The following ANKRD55 variants were observed in gnomAD, a reference collection of about 807,000 sequenced individuals.
ANKRD55 encodes the protein ankyrin repeat domain 55.
A neutral mutation model predicts 60.6 loss-of-function variants in ANKRD55; 41 were observed. That is an observed-to-expected ratio of 0.68 (90% CI 0.53 to 0.88). The LOEUF is 0.88. Ranked by LOEUF, ANKRD55 falls within the 40% of genes least tolerant of loss-of-function variation. The pLI is 0.00. For synonymous variants in ANKRD55, 264 were observed against 290.3 expected, an observed-to-expected ratio of 0.91 and a Z score of 0.92; for missense variants, 732 against 767.6, an observed-to-expected ratio of 0.95 and a Z score of 0.55.
At chr5:56,226,095 C>T (rs768613971) in intron 2 of ANKRD55, among the ~76,000 whole-genome samples, 12 of 152,264 alleles carry the variant, frequency 7.9e-5, no homozygotes, top group Admixed American at 2.0e-4. Context: ...TACAAGGCTA[C>T]GGTAACCAAA....
At chr5:56,158,884 G>A (rs1162051936) in intron 6 of ANKRD55, among the ~76,000 whole-genome samples, 2 of 152,074 alleles carry the variant, frequency 1.3e-5, no homozygotes, top group African/African-American at 4.8e-5. Flanking sequence ...TGTAGAAATG[G>A]AGTCTCGCTC....
At chr5:56,201,323 G>T (rs1017749901) in intron 2 of ANKRD55, among the ~76,000 whole-genome samples, 2 of 152,172 alleles carry the variant, frequency 1.3e-5, no homozygotes, top group African/African-American at 4.8e-5. Context: ...TGGTAATAAA[G>T]AGTCTCTGTG....
intron 3 of ANKRD55, among the ~76,000 whole-genome samples, chr5:56,179,263 A>G (rs1054779603): frequency 6.6e-6 from 1 of 152,240 alleles, no homozygotes; most frequent in Non-Finnish European, 1.5e-5. Flanking sequence ...TGAGTGAAGA[A>G]AGCCAATTGC....
At chr5:56,173,856 A>G (rs1462861677) in intron 4 of ANKRD55, among the ~76,000 whole-genome samples, 3 of 152,066 alleles carry the variant, frequency 2.0e-5, no homozygotes, top group East Asian at 1.9e-4. Flanking sequence ...TCAACTCTAC[A>G]TATTTTATTT....
In ANKRD55 at chr5:56,099,957, T is replaced by C. The variant is rs1756219170; in HGVS notation, c.*226A>G. The C allele has an allele frequency of 5.9e-6, 3 of 508,978 alleles. No individual in the cohort carries two copies. The highest frequency in any genetic ancestry group is 1.0e-5 in the Non-Finnish European group (3 of 291,964). 31.5% of individuals were successfully genotyped at this position (508,978 alleles called of 1,614,324 possible). A position where few individuals can be genotyped will look rare whatever the true frequency, so the allele number is the denominator to read the frequency against. On this transcript the variant is annotated 3_prime_UTR_variant, in exon 12 of 12. Transcript: ENST00000341048. Reference sequence around the variant, plus strand: ...CATATTTTGTCTTTTAATTTTGGCATGTGGAAGTCACAGAAATTCACAGAC... The same window carrying C: ...CATATTTTGTCTTTTAATTTTGGCACGTGGAAGTCACAGAAATTCACAGAC...
chr5:56,148,608 C>G (rs541665601), intron 6 of ANKRD55, among the ~76,000 whole-genome samples: 3 of 152,018 alleles, frequency 2.0e-5, no homozygotes, highest in Admixed American at 2.0e-4. Context: ...CCTGTGCCAC[C>G]ACAATTTCAG....
intron 3 of ANKRD55, among the ~76,000 whole-genome samples, chr5:56,182,504 A>G (rs1318436651): frequency 2.0e-5 from 3 of 152,032 alleles, no homozygotes; most frequent in Non-Finnish European, 2.9e-5. Context: ...GCATGTTTTC[A>G]ATTGCTCATT....
chr5:56,138,697 GGA>G (rs746004447), intron 7 of ANKRD55, among the ~76,000 whole-genome samples: 1 of 152,154 alleles, frequency 6.6e-6, no homozygotes, highest in Non-Finnish European at 1.5e-5. Flanking sequence ...GAAAAGACTT[GGA>G]GGAAATGTAA....
intron 2 of ANKRD55, among the ~76,000 whole-genome samples, chr5:56,218,260 A>G (rs1193819219): frequency 6.6e-6 from 1 of 152,222 alleles, no homozygotes; most frequent in Non-Finnish European, 1.5e-5. Flanking sequence ...GGTTGGAGAG[A>G]ATTGACTCCA....
At chr5:56,192,886 G>C (rs1436183509) in intron 2 of ANKRD55, 4 of 646,370 alleles carry the variant, frequency 6.2e-6, no homozygotes, top group Non-Finnish European at 1.1e-5. Flanking sequence ...CATGGGCCCA[G>C]CGTTGTCTAA....
At position 56,112,504 on chromosome 5, in the gene ANKRD55, C is replaced by CAAAAAAAAAAAA. The variant is rs1187255213; in HGVS notation, c.966-734_966-723dup. Reference sequence around the variant, plus strand: ...CAACATGGCAGGATCTCATCTCTAGCAAAAAAAAAAAAAAAAAACAACCAA... The same window carrying CAAAAAAAAAAAA: ...CAACATGGCAGGATCTCATCTCTAGCAAAAAAAAAAAAAAAAAAAAAAAAAAAAAACAACCAA... On this transcript the variant is annotated intron_variant, in intron 9 of 11. Coordinates refer to ENST00000341048, the MANE Select transcript of ANKRD55 (RefSeq NM_024669.3). 3.9e-3 allele frequency among the ~76,000 whole-genome samples: 99 copies of CAAAAAAAAAAAA among 25,644 alleles called. 15 individuals are homozygous for CAAAAAAAAAAAA. Among genetic ancestry groups the CAAAAAAAAAAAA allele is most frequent in the Non-Finnish European group, 5.3e-3 (75 of 14,040 alleles). 16.8% of individuals were successfully genotyped at this position (25,644 alleles called of 152,430 possible). A position where few individuals can be genotyped will look rare whatever the true frequency, so the allele number is the denominator to read the frequency against.
At chr5:56,112,512 A>AAAAAAAAAAAAAAAAACAAAAAAAAAAAC (rs1756760168) in intron 9 of ANKRD55, among the ~76,000 whole-genome samples, 4 of 111,516 alleles carry the variant, frequency 3.6e-5, no homozygotes, top group Non-Finnish European at 7.3e-5. Flanking sequence ...AGCAAAAAAA[A>AAAAAAAAAAAAAAAAACAAAAAAAAAAAC]AAAAAAAAAA....
intron 2 of ANKRD55, among the ~76,000 whole-genome samples, chr5:56,203,447 T>C (rs1417279334): frequency 6.6e-6 from 1 of 152,150 alleles, no homozygotes; most frequent in East Asian, 1.9e-4. Context: ...GCTGCACCCA[T>C]TAACTTGTCA....
intron 7 of ANKRD55, among the ~76,000 whole-genome samples, chr5:56,135,621 G>A (rs187383126): frequency 1.3e-4 from 20 of 152,010 alleles, no homozygotes; most frequent in African/African-American, 4.8e-4. Context: ...TGCCTGCATC[G>A]GCCTCCCAAA....
chr5:56,116,794 A>G lies in ANKRD55; in HGVS notation c.798-12T>C, dbSNP rs1305937160. On this transcript the variant is annotated splice_polypyrimidine_tract_variant and intron_variant, in intron 8 of 11. Coordinates refer to ENST00000341048, the MANE Select transcript of ANKRD55 (RefSeq NM_024669.3). ...AGTGCAGAGGTGTCCTGGAGGGGCCATGTGAAAAAAGCACAAGCGTCTGAG... is the reference window on the plus strand; with the variant it reads ...AGTGCAGAGGTGTCCTGGAGGGGCCGTGTGAAAAAAGCACAAGCGTCTGAG... The G allele has an allele frequency of 1.9e-6, 3 of 1,591,528 alleles. No individual in the cohort carries two copies. Among genetic ancestry groups the G allele is most frequent in the East Asian group, 2.3e-5 (1 of 44,006 alleles).
chr5:56,166,110 C>CTTTCTTTCTTCTTTCTTTT (rs1758452995), intron 5 of ANKRD55, among the ~76,000 whole-genome samples: 1 of 67,808 alleles, frequency 1.5e-5, no homozygotes, highest in Non-Finnish European at 2.9e-5. Context: ...TTCTTTCTTT[C>CTTTCTTTCTTCTTTCTTTT]TTTCTTTCTT....
chr5:56,183,645 A>C lies in ANKRD55; in HGVS notation c.59-11T>G, dbSNP rs6871908. 10,025 of 1,613,784 alleles carry C rather than the reference A, an allele frequency of 6.2e-3. 487 individuals carry two copies. In the African/African-American group the frequency reaches 0.11, roughly 17 times the overall value. ...CCTCAGATGAGTCACCTTCATGCATAAAACAGACACAATGTTAGTGTGTGG... is the reference window on the plus strand; with the variant it reads ...CCTCAGATGAGTCACCTTCATGCATCAAACAGACACAATGTTAGTGTGTGG... On this transcript the variant is annotated splice_polypyrimidine_tract_variant and intron_variant, in intron 2 of 11. Transcript: ENST00000341048.
chr5:56,159,886 T>C lies in ANKRD55; in HGVS notation c.430A>G (p.Thr144Ala), dbSNP rs745415393. Residue 144 changes from threonine to alanine, a missense_variant, in exon 6 of 12, where the codon ACG (threonine) becomes GCG (alanine). Coordinates refer to ENST00000341048, the MANE Select transcript of ANKRD55 (RefSeq NM_024669.3). ...ATAEPDMRLL[T>A]VLLQQSNISE... ...ATGTTCGACTGTTGCAACAGGACCG[T>C]GAGGAGCCTGTAAGGAAAAAATAGG... The C allele has an allele frequency of 6.2e-7, 1 of 1,613,454 alleles. No homozygotes were observed. Among genetic ancestry groups the C allele is most frequent in the South Asian group, 1.1e-5 (1 of 91,030 alleles).
rs1285525058 is a variant in ANKRD55, at chr5:56,134,095, T to C, written c.613-6989A>G. 1.8e-5 allele frequency among the ~76,000 whole-genome samples: 2 copies of C among 113,530 alleles called. 1 individual carries two copies. Among genetic ancestry groups the C allele is most frequent in the South Asian group, 5.6e-4 (2 of 3,588 alleles). The allele number at this position is 113,530 out of a possible 152,430, so 74.5% of individuals were successfully genotyped here. A position where few individuals can be genotyped will look rare whatever the true frequency, so the allele number is the denominator to read the frequency against. Reference sequence around the variant, plus strand: ...ACAGAGGGAAACAAATTACTTAATATCAGAAATGAAAAAAGGTACTTCACT... The same window carrying C: ...ACAGAGGGAAACAAATTACTTAATACCAGAAATGAAAAAAGGTACTTCACT... On this transcript the variant is annotated intron_variant, in intron 7 of 11. Transcript: ENST00000341048.
Sources: gnomAD v4.1 joint callset for allele counts (sites outside exome capture counted in the v4.1 genomes callset) on GRCh38, gnomAD v4.1.1 for gene constraint, MANE v1.5 for transcripts, NCBI Gene and HGNC (gene_info 2026-07-23, HGNC 2026-07-21) for gene names.